The following CELF4 variants were observed in gnomAD, a reference collection of about 807,000 sequenced individuals.
CELF4 encodes CUG-BP- and ETR-3-like factor 4.
A neutral mutation model predicts 59.9 loss-of-function variants in CELF4; 18 were observed. The observed-to-expected ratio is 0.30, with a 90% confidence interval of 0.21 to 0.45. The LOEUF is 0.45. CELF4 is among the 20% of genes least tolerant of loss of function. The pLI is 1.00. For missense variants in CELF4, 456 were observed against 689.0 expected, an observed-to-expected ratio of 0.66 and a Z score of 3.79; for synonymous variants, 261 against 267.1, an observed-to-expected ratio of 0.98 and a Z score of 0.22.
At chr18:37,468,740 G>A (rs2099814500) in intron 2 of CELF4, among the ~76,000 whole-genome samples, 1 of 152,226 alleles carries the variant, frequency 6.6e-6, no homozygotes, top group African/African-American at 2.4e-5. Flanking sequence ...GGCAAGCAGA[G>A]GCAAAGGTAC....
chr18:37,388,432 C>A (rs983268978), intron 2 of CELF4, among the ~76,000 whole-genome samples: 1 of 151,544 alleles, frequency 6.6e-6, no homozygotes, highest in Admixed American at 6.6e-5. Flanking sequence ...CCTTTCCCCC[C>A]TCCTTCTCTC....
chr18:37,334,681 G>A (rs930241406), intron 2 of CELF4, among the ~76,000 whole-genome samples: 11 of 151,798 alleles, frequency 7.2e-5, no homozygotes, highest in African/African-American at 2.4e-4. Context: ...GCCTCTCCAC[G>A]GCCAGGAGAG....
intron 2 of CELF4, among the ~76,000 whole-genome samples, chr18:37,322,099 C>T (rs2097144918): frequency 6.6e-6 from 1 of 152,256 alleles, no homozygotes; most frequent in South Asian, 2.1e-4. Context: ...AGGGGGGTGT[C>T]TCTGGACAGG....
chr18:37,378,794 G>A (rs1181281966), intron 2 of CELF4, among the ~76,000 whole-genome samples: 1 of 152,176 alleles, frequency 6.6e-6, no homozygotes, highest in East Asian at 1.9e-4. Context: ...AGTAGCTGTG[G>A]GGGTGCACTG....
chr18:37,255,926 G>A (rs2069052898), intron 11 of CELF4, among the ~76,000 whole-genome samples: 1 of 152,228 alleles, frequency 6.6e-6, no homozygotes, highest in Non-Finnish European at 1.5e-5. Flanking sequence ...TTCTGGAGGA[G>A]GGCAGAAGCC....
At chr18:37,386,342 A>C (rs1473510044) in intron 2 of CELF4, among the ~76,000 whole-genome samples, 1 of 152,220 alleles carries the variant, frequency 6.6e-6, no homozygotes, top group East Asian at 1.9e-4. Flanking sequence ...GTAAGTAAGG[A>C]GGAAATAAGG....
chr18:37,338,106 A>ATCAGCACCT (rs1320316323), intron 2 of CELF4, among the ~76,000 whole-genome samples: 7 of 97,910 alleles, frequency 7.1e-5, no homozygotes, highest in African/African-American at 3.3e-4. Flanking sequence ...TGTCACCACT[A>ATCAGCACCT]CTGTCACTGC....
At chr18:37,387,953 C>T (rs1372744177) in intron 2 of CELF4, among the ~76,000 whole-genome samples, 2 of 152,190 alleles carry the variant, frequency 1.3e-5, no homozygotes, top group Admixed American at 6.5e-5. Flanking sequence ...AGTATTCATC[C>T]AGACCCTCCT....
chr18:37,512,501 CCTCTTT>C (rs1230025440), intron 1 of CELF4, among the ~76,000 whole-genome samples: 4 of 150,508 alleles, frequency 2.7e-5, no homozygotes, highest in African/African-American at 7.3e-5. Flanking sequence ...TCCTCTTCTT[CCTCTTT>C]CTCTTTCTTC....
chr18:37,368,481 C>A lies in CELF4; in HGVS notation c.370-46600G>T, dbSNP rs1232463740. Among the ~76,000 whole-genome samples, 4 of 152,200 alleles carry A rather than the reference C, an allele frequency of 2.6e-5. No homozygotes were observed. The East Asian group carries it at 7.7e-4, about 29-fold the overall frequency. Reference sequence around the variant, plus strand: ...TGTCTCCCTCCCGCTTGGTTCCTGGCTGGCCTCCCCTCCCACTGCCCATGC... The same window carrying A: ...TGTCTCCCTCCCGCTTGGTTCCTGGATGGCCTCCCCTCCCACTGCCCATGC... On this transcript the variant is annotated intron_variant, in intron 2 of 12. Coordinates refer to ENST00000420428, the MANE Select transcript of CELF4 (RefSeq NM_020180.4).
Position 37,401,472 on chromosome 18 carries a change from C to G in CELF4, c.370-79591G>C, listed in dbSNP as rs1603636560. On this transcript the variant is annotated intron_variant, in intron 2 of 12. Transcript: ENST00000420428. ...TTCAGAGTGTGATCCGGCCATCTTA[C>G]AGACCAATACTAACTGAAGGTCACT... Among the ~76,000 whole-genome samples, 3 of 152,300 alleles carry G rather than the reference C, an allele frequency of 2.0e-5. No homozygotes were observed. The South Asian group carries it at 6.2e-4, about 32-fold the overall frequency.
chr18:37,369,400 C>G lies in CELF4; in HGVS notation c.370-47519G>C, dbSNP rs79000525. 2.0e-5 allele frequency among the ~76,000 whole-genome samples: 3 copies of G among 152,112 alleles called. No individual in the cohort carries two copies. In the South Asian group the frequency reaches 6.2e-4, roughly 32 times the overall value. ...TTGGCTCTCTGGGTCTTTGGAGGAA[C>G]CTATGAGTGGCTCTGGGGACCAAAT... On this transcript the variant is annotated intron_variant, in intron 2 of 12. Coordinates refer to ENST00000420428, the MANE Select transcript of CELF4 (RefSeq NM_020180.4).
Position 37,522,740 on chromosome 18 carries a change from G to A in CELF4, c.287-37133C>T, listed in dbSNP as rs559159115. The stretch of plus-strand genomic sequence containing the variant: ...GGCAGCAGAGCCCGCTGGAGGCCCT[G>A]GGCCACAGCTCTTCTCCCTGGCTTC... On this transcript the variant is annotated intron_variant, in intron 1 of 12. Transcript: ENST00000420428. Among the ~76,000 whole-genome samples the A allele has an allele frequency of 1.1e-3, 162 of 152,230 alleles. 2 individuals are homozygous for A. The highest frequency in any genetic ancestry group is 3.3e-3 in the African/African-American group (139 of 41,530).
At chr18:37,332,983 G>T (rs897841471) in intron 2 of CELF4, among the ~76,000 whole-genome samples, 1 of 152,200 alleles carries the variant, frequency 6.6e-6, no homozygotes, top group South Asian at 2.1e-4. Context: ...ATCTGCTGCC[G>T]TGGCAACCAA....
At chr18:37,542,243 G>T (rs930927262) in intron 1 of CELF4, among the ~76,000 whole-genome samples, 1 of 152,202 alleles carries the variant, frequency 6.6e-6, no homozygotes, top group African/African-American at 2.4e-5. Context: ...CTGTAATAAA[G>T]GTAAATGCTC....
chr18:37,536,412 C>T (rs934835366), intron 1 of CELF4, among the ~76,000 whole-genome samples: 1 of 152,148 alleles, frequency 6.6e-6, no homozygotes, highest in Non-Finnish European at 1.5e-5. Context: ...TTTGTACTTT[C>T]CTGTCTCCCC....
chr18:37,282,609 G>A (rs181002956), intron 3 of CELF4, among the ~76,000 whole-genome samples: 31 of 152,200 alleles, frequency 2.0e-4, no homozygotes, highest in Middle Eastern at 3.4e-3. Flanking sequence ...CAGCAGAACT[G>A]CCTTCTAAGT....
intron 2 of CELF4, among the ~76,000 whole-genome samples, chr18:37,467,740 C>T (rs2099812410): frequency 6.6e-6 from 1 of 152,194 alleles, no homozygotes; most frequent in African/African-American, 2.4e-5. Flanking sequence ...AGGACCTTGT[C>T]CAAACTGCTC....
intron 12 of CELF4, chr18:37,247,516 A>G (rs2062751415): frequency 6.6e-6 from 1 of 152,176 alleles, no homozygotes; most frequent in Non-Finnish European, 1.5e-5. Context: ...ACCAGACCAC[A>G]GCATCAATCT....
Sources: allele counts gnomAD v4.1 joint callset (sites outside exome capture counted in the v4.1 genomes callset), GRCh38; gene constraint gnomAD v4.1.1; transcripts MANE v1.5; gene names NCBI Gene and HGNC (gene_info 2026-07-23, HGNC 2026-07-21).